Variants in CCL24 observed in about 807,000 individuals in gnomAD.
The protein encoded by CCL24 is C-C motif chemokine ligand 24.
In CCL24, 6 loss-of-function variants were observed where a neutral mutation model predicts 8.6. The observed-to-expected ratio is 0.70, with a 90% CI of 0.38 to 1.38. CCL24 has a LOEUF of 1.38. Ranked by LOEUF, CCL24 falls within the 40% of genes most tolerant of loss-of-function variation. The pLI, the probability that CCL24 is intolerant of heterozygous loss-of-function variation, is 0.02. For missense variants in CCL24, 126 were observed against 147.1 expected, an observed-to-expected ratio of 0.86 and a Z score of 0.74; for synonymous variants, 59 against 52.7, an observed-to-expected ratio of 1.12 and a Z score of -0.52.
chr7:75,816,329 C>T (rs571555832), upstream of CCL24, among the ~76,000 whole-genome samples: 62 of 152,162 alleles, frequency 4.1e-4, no homozygotes, highest in African/African-American at 1.4e-3. Context: ...AGACTGAAGT[C>T]GGGGAGGCTG....
upstream of CCL24, among the ~76,000 whole-genome samples, chr7:75,817,136 G>A (rs1803909922): frequency 6.6e-6 from 1 of 152,112 alleles, no homozygotes; most frequent in African/African-American, 2.4e-5. Context: ...AAAGCGCTGG[G>A]ATTACAGGCA....
At chr7:75,820,052 C>A (rs966231454) in intron 1 of CCL24, among the ~76,000 whole-genome samples, 8 of 137,802 alleles carry the variant, frequency 5.8e-5, no homozygotes, top group Non-Finnish European at 6.2e-5. Flanking sequence ...TCTTCTTCTT[C>A]TTCTTCTTCT....
At position 75,820,089 on chromosome 7, in the gene CCL24, CTCTTCTTCT is replaced by C. The variant is rs1184008714; in HGVS notation, c.-60+3224_-60+3232del. Among the ~76,000 whole-genome samples the C allele has an allele frequency of 1.6e-3, 72 of 44,470 alleles. 1 individual carries two copies. Among genetic ancestry groups the C allele is most frequent in the African/African-American group, 5.1e-3 (70 of 13,738 alleles). The allele number at this position is 44,470 out of a possible 152,430, so 29.2% of individuals were successfully genotyped here. On this transcript the variant is annotated intron_variant, in intron 1 of 3. Coordinates refer to the CCL24 transcript ENST00000416943. ...CTTCTTCTTCTTCTTCTTCTTCTTC[CTCTTCTTCT>C]TCTTCTTCCTTCTTCTTCTTCTTCT...
rs369869127 is a variant in CCL24, at chr7:75,813,288, C to T, written c.191+18G>A. On this transcript the variant is annotated intron_variant, in intron 2 of 2. Coordinates refer to ENST00000222902, the MANE Select transcript of CCL24 (RefSeq NM_002991.3). ...GCCCCCACCCCTCTCCTGCCACGTGCCCATGAAGGATACCTACATCACTCC... is the reference window on the plus strand; with the variant it reads ...GCCCCCACCCCTCTCCTGCCACGTGTCCATGAAGGATACCTACATCACTCC... 1 of 1,478,662 alleles carries T rather than the reference C, an allele frequency of 6.8e-7. No homozygotes were observed. Among genetic ancestry groups the T allele is most frequent in the Admixed American group, 1.7e-5 (1 of 59,674 alleles). 91.6% of individuals were successfully genotyped at this position (1,478,662 alleles called of 1,614,324 possible). A position where few individuals can be genotyped will look rare whatever the true frequency, so the allele number is the denominator to read the frequency against.
chr7:75,820,089 C>CT (rs1491568735), intron 1 of CCL24, among the ~76,000 whole-genome samples: 505 of 43,666 alleles, frequency 0.012, 4 homozygotes, highest in East Asian at 0.058. Flanking sequence ...CTTCTTCTTC[C>CT]TCTTCTTCTT....
At chr7:75,816,485 G>T (rs73144156), upstream of CCL24, among the ~76,000 whole-genome samples, 134 of 152,176 alleles carry the variant, frequency 8.8e-4, 1 homozygote, top group African/African-American at 3.2e-3. Context: ...AGAGCAATTA[G>T]GGAGGATTAA....
intron 1 of CCL24, among the ~76,000 whole-genome samples, chr7:75,821,927 C>CA (rs1287627655): frequency 0.045 from 3,295 of 73,892 alleles, 115 homozygotes; most frequent in African/African-American, 0.11. Context: ...GACTCCGTCT[C>CA]AAAAAAAAAA....
chr7:75,811,682 T>A lies in CCL24; in HGVS notation c.*114A>T. 1 of 918,172 alleles carries A rather than the reference T, an allele frequency of 1.1e-6. No individual in the cohort carries two copies. Among genetic ancestry groups the A allele is most frequent in the Non-Finnish European group, 1.6e-6 (1 of 613,302 alleles). The allele number at this position is 918,172 out of a possible 1,614,324, so 56.9% of individuals were successfully genotyped here. ...AGAAGAGACACATCCCTGGAGAGTG[T>A]TGCTAAGAAACAGGAAAATTAGCTC... On this transcript the variant is annotated 3_prime_UTR_variant, in exon 3 of 3. Transcript: ENST00000222902.
intron 1 of CCL24, among the ~76,000 whole-genome samples, chr7:75,820,638 C>G (rs1290674610): frequency 1.4e-5 from 2 of 141,806 alleles, no homozygotes; most frequent in African/African-American, 5.2e-5. Context: ...CCCACCCACC[C>G]ATCTACCCAC....
intron 1 of CCL24, among the ~76,000 whole-genome samples, chr7:75,819,550 C>T (rs138071147): frequency 2.2e-3 from 332 of 150,734 alleles, no homozygotes; most frequent in African/African-American, 7.6e-3. Flanking sequence ...ATCGCTTGAA[C>T]CCAGGAGTTC....
Sources: allele counts gnomAD v4.1 joint callset (sites outside exome capture counted in the v4.1 genomes callset), GRCh38; gene constraint gnomAD v4.1.1; transcripts MANE v1.5; gene names NCBI Gene and HGNC (gene_info 2026-07-23, HGNC 2026-07-21).